RYR1: variants seen among roughly 807,000 people sequenced by gnomAD.
The protein encoded by RYR1 is central core disease of muscle.
In RYR1, 342 loss-of-function variants were observed where a neutral mutation model predicts 583.5. The ratio of observed to expected loss-of-function variants is 0.59; its 90% CI spans 0.54 to 0.64. The LOEUF (loss-of-function observed/expected upper bound fraction) is 0.64, where lower values mean the gene tolerates loss of function less well. Ranked by LOEUF, RYR1 falls within the 30% of genes least tolerant of loss-of-function variation. The pLI is 0.00. For synonymous variants in RYR1, 2,791 were observed against 2,822.5 expected (o/e 0.99, Z 0.35); for missense variants, 6,032 against 6,917.2 (o/e 0.87, Z 4.54).
In RYR1 at chr19:38,466,141, T is replaced by C; in HGVS notation, c.2921T>C (p.Val974Ala). The C allele has an allele frequency of 6.2e-7, 1 of 1,613,356 alleles. No individual in the cohort carries two copies. Among genetic ancestry groups the C allele is most frequent in the Non-Finnish European group, 8.5e-7 (1 of 1,179,840 alleles). Residue 974 changes from valine to alanine, a missense_variant, in exon 24 of 106, where the codon GTG (valine) becomes GCG (alanine). This residue lies in a region of RYR1 where 2,627 missense variants were observed against 2,961.3 expected (regional missense o/e 0.89). Transcript: ENST00000359596. Reference sequence around the variant, plus strand: ...CCGGCTCCGCTGGACCTGAGCCACGTGCGGCTGACGCCGGCGCAGACGACA... The same window carrying C: ...CCGGCTCCGCTGGACCTGAGCCACGCGCGGCTGACGCCGGCGCAGACGACA... The part of the protein sequence containing the change: ...YKPAPLDLSH[V>A]RLTPAQTTLV...
At chr19:38,438,682 G>A (rs1363991565) in intron 1 of RYR1, among the ~76,000 whole-genome samples, 2 of 133,750 alleles carry the variant, frequency 1.5e-5, no homozygotes, top group Non-Finnish European at 3.1e-5. Context: ...TCAGTGGTGC[G>A]ATCTCGGCTC....
At chr19:38,532,768 G>A (rs1410511055) in intron 78 of RYR1, 32 bp downstream of exon 78, 3 of 1,606,704 alleles carry the variant, frequency 1.9e-6, no homozygotes, top group Admixed American at 3.3e-5. Flanking sequence ...TGGAGGGAAG[G>A]GATGGGGGAC....
intron 76 of RYR1, among the ~76,000 whole-genome samples, chr19:38,529,658 T>C (rs1971642506): frequency 2.6e-5 from 4 of 152,174 alleles, no homozygotes; most frequent in African/African-American, 7.2e-5. Flanking sequence ...CAGTATATTA[T>C]GAAAAAAATC....
chr19:38,459,888 C>A (rs1473267946), intron 19 of RYR1, among the ~76,000 whole-genome samples: 1 of 152,186 alleles, frequency 6.6e-6, no homozygotes, highest in African/African-American at 2.4e-5. Flanking sequence ...TGACCCTGCT[C>A]CCGAATAACC....
Position 38,502,637 on chromosome 19 carries a change from T to C in RYR1, c.7745T>C (p.Met2582Thr). ...CACCGCGCCATCATGGTGGACTCTA[T>C]GCTGCATACCGTGTACCGCCTGTCT... ...TEHRAIMVDS[M>T]LHTVYRLSRG... Residue 2582 changes from methionine to threonine, a missense_variant, in exon 48 of 106, where the codon ATG (methionine) becomes ACG (threonine). This residue lies in a region of RYR1 where 250 missense variants were observed against 162.3 expected (regional missense o/e 1.54). Transcript: ENST00000359596. 3 of 1,613,058 alleles carry C rather than the reference T, an allele frequency of 1.9e-6. No individual in the cohort carries two copies. The highest frequency in any genetic ancestry group is 2.5e-6 in the Non-Finnish European group (3 of 1,179,902).
chr19:38,528,569 T>A (rs746438970), intron 74 of RYR1, 30 bp from the exon 75 acceptor site: 5 of 1,612,168 alleles, frequency 3.1e-6, no homozygotes, highest in Admixed American at 1.7e-5. Flanking sequence ...GGAGGGCGCG[T>A]CCCAGTGACG....
At position 38,433,742 on chromosome 19, in the gene RYR1, C is replaced by G; in HGVS notation, c.-88C>G. 1 of 713,912 alleles carries G rather than the reference C, an allele frequency of 1.4e-6. No individual in the cohort carries two copies. The highest frequency in any genetic ancestry group is 1.5e-5 in the South Asian group (1 of 68,488). 44.2% of individuals were successfully genotyped at this position (713,912 alleles called of 1,614,324 possible). A position where few individuals can be genotyped will look rare whatever the true frequency, so the allele number is the denominator to read the frequency against. On this transcript the variant is annotated 5_prime_UTR_variant, in exon 1 of 106. Coordinates refer to ENST00000359596, the MANE Select transcript of RYR1 (RefSeq NM_000540.3). ...TCTGGTGTCTCCAGAGGTCTCCGAC[C>G]CCAGCCCGCCCCCAGCCCTCCCGCC...
chr19:38,466,494 G>T, intron 24 of RYR1, 96 bp downstream of exon 24: 1 of 1,154,892 alleles, frequency 8.7e-7, no homozygotes, highest in Non-Finnish European at 1.2e-6. Flanking sequence ...CCCCAAATGG[G>T]CTATATCTTT....
intron 71 of RYR1, among the ~76,000 whole-genome samples, chr19:38,526,072 C>T (rs1009092540): frequency 6.6e-6 from 1 of 152,002 alleles, no homozygotes; most frequent in East Asian, 1.9e-4. Context: ...GCTCAGGGAG[C>T]CCTGCGACCC....
In RYR1 at chr19:38,565,771, G is replaced by A. The variant is rs954298394; in HGVS notation, c.13437G>A (p.Gly4479=). ...EGSPILKRKL[G]VDGVEEELPP... ...CTCCCATCCTCAAGAGGAAATTGGG[G>A]GTGAGAGAGCAGGCGGGGTTTTGGG... Residue 4479 remains glycine (G), a splice_region_variant and synonymous_variant, in exon 91 of 106, where the codon GGG becomes GGA. Coordinates refer to ENST00000359596, the MANE Select transcript of RYR1 (RefSeq NM_000540.3). The surrounding 1 kb of genome is among the most constrained non-coding windows in gnomAD (Gnocchi z 4.7). 2 of 1,399,056 alleles carry A rather than the reference G, an allele frequency of 1.4e-6. 1 individual carries two copies. Among genetic ancestry groups the A allele is most frequent in the Non-Finnish European group, 1.8e-6 (2 of 1,086,004 alleles). 86.7% of individuals were successfully genotyped at this position (1,399,056 alleles called of 1,614,324 possible).
intron 17 of RYR1, 90 bp downstream of exon 17, chr19:38,457,720 C>T (rs1967494018): frequency 7.5e-7 from 1 of 1,334,964 alleles, no homozygotes; most frequent in South Asian, 1.2e-5. Flanking sequence ...ATGTCCTTTC[C>T]TTAATCTCCC....
Position 38,534,835 on chromosome 19 carries a change from G to A in RYR1, c.11359+16G>A. ...GCCTGCAAAGGTGCCCCTCACATGT[G>A]CACTGGACTCTTCCGAGTGCACTCA... On this transcript the variant is annotated intron_variant, in intron 79 of 105. Coordinates refer to ENST00000359596, the MANE Select transcript of RYR1 (RefSeq NM_000540.3). The A allele has an allele frequency of 3.1e-6, 5 of 1,605,576 alleles. No homozygotes were observed. Among genetic ancestry groups the A allele is most frequent in the Non-Finnish European group, 4.3e-6 (5 of 1,176,198 alleles).
chr19:38,483,561 C>T lies in RYR1; in HGVS notation c.4934+45C>T, dbSNP rs886038334. ...TGCAGGGGTGGGCAGGTGTTGCAAG[C>T]CCTCTGGGGTCTGGGTCCCACTCAG... On this transcript the variant is annotated intron_variant, in intron 33 of 105. Coordinates refer to ENST00000359596, the MANE Select transcript of RYR1 (RefSeq NM_000540.3). The surrounding 1 kb of genome is among the most constrained non-coding windows in gnomAD (Gnocchi z 6.3). 3 of 1,502,402 alleles carry T rather than the reference C, an allele frequency of 2.0e-6. No homozygotes were observed. Among genetic ancestry groups the T allele is most frequent in the Non-Finnish European group, 2.7e-6 (3 of 1,116,878 alleles). The allele number at this position is 1,502,402 out of a possible 1,614,324, so 93.1% of individuals were successfully genotyped here. A position where few individuals can be genotyped will look rare whatever the true frequency, so the allele number is the denominator to read the frequency against.
Position 38,565,996 on chromosome 19 carries a change from C to G in RYR1, c.13437+225C>G, listed in dbSNP as rs1410219193. On this transcript the variant is annotated intron_variant, in intron 91 of 105. Transcript: ENST00000359596. This position sits in a 1 kb window ranked among gnomAD's most constrained non-coding sequence, Gnocchi z 4.7. ...ATACTCAGACCCACAGAGAAAGAGACTCAGAGATGGAGACCTGGAGAAAGG... is the reference window on the plus strand; with the variant it reads ...ATACTCAGACCCACAGAGAAAGAGAGTCAGAGATGGAGACCTGGAGAAAGG... 1.3e-5 allele frequency among the ~76,000 whole-genome samples: 2 copies of G among 151,810 alleles called. No homozygotes were observed. Among genetic ancestry groups the G allele is most frequent in the African/African-American group, 4.8e-5 (2 of 41,304 alleles).
chr19:38,541,664 T>C (rs1458211506), intron 84 of RYR1, among the ~76,000 whole-genome samples: 4 of 151,832 alleles, frequency 2.6e-5, no homozygotes, highest in African/African-American at 9.7e-5. Context: ...TGCAGTGAAC[T>C]GAGATCATGC....
chr19:38,482,817 A>T (rs921591881), intron 31 of RYR1, among the ~76,000 whole-genome samples: 1 of 152,084 alleles, frequency 6.6e-6, no homozygotes, highest in Non-Finnish European at 1.5e-5. Flanking sequence ...TGATGTGTGC[A>T]GAGACAGATG....
chr19:38,529,353 A>G (rs1324724132), intron 76 of RYR1, among the ~76,000 whole-genome samples: 1 of 152,200 alleles, frequency 6.6e-6, no homozygotes, highest in Non-Finnish European at 1.5e-5. Flanking sequence ...GGTGGTGGGC[A>G]CTTGTAATCC....
intron 1 of RYR1, among the ~76,000 whole-genome samples, chr19:38,438,123 C>A (rs1208445020): frequency 6.6e-6 from 1 of 151,870 alleles, no homozygotes; most frequent in Non-Finnish European, 1.5e-5. Flanking sequence ...CACCCCAGCA[C>A]CCAGACTCCC....
intron 75 of RYR1, 126 bp from the exon 76 acceptor site, chr19:38,528,825 G>A (rs141905132): frequency 0.011 from 15,961 of 1,434,160 alleles, 129 homozygotes; most frequent in Non-Finnish European, 0.014. Flanking sequence ...CCTGGCTTGA[G>A]TAGAACCAAA....
Sources: allele counts gnomAD v4.1 joint callset (sites outside exome capture counted in the v4.1 genomes callset), GRCh38; gene constraint gnomAD v4.1.1; regional missense constraint gnomAD v4.1.1; non-coding constraint Gnocchi (gnomAD v3.1); transcripts MANE v1.5; gene names NCBI Gene and HGNC (gene_info 2026-07-23, HGNC 2026-07-21).